IPO8: variants seen among roughly 807,000 people sequenced by gnomAD.
The protein encoded by IPO8 is importin 8.
A neutral mutation model predicts 141.2 loss-of-function variants in IPO8; 65 were observed. That is an observed-to-expected ratio of 0.46 (90% CI 0.38 to 0.57). The LOEUF is 0.57. IPO8 is among the 20% of genes least tolerant of loss of function. The pLI, the probability that IPO8 is intolerant of heterozygous loss-of-function variation, is 0.00. For synonymous variants in IPO8, 411 were observed against 420.3 expected (o/e 0.98, Z 0.27); for missense variants, 980 against 1,246.8 (o/e 0.79, Z 3.22).
At position 30,649,022 on chromosome 12, in the gene IPO8, G is replaced by C. The variant is rs983330833; in HGVS notation, c.2268+115C>G. ...ATTTAAACAGAATTTGCACCAGAAA[G>C]CACAATCTATAGGCTGTCCTTTCCA... is the stretch of plus-strand genomic sequence containing the variant. On this transcript the variant is annotated intron_variant, in intron 20 of 24. Transcript: ENST00000256079. 4.8e-6 allele frequency: 3 copies of C among 622,922 alleles called. No individual in the cohort carries two copies. In the South Asian group the frequency reaches 8.0e-5, roughly 17 times the overall value. The allele number at this position is 622,922 out of a possible 1,614,324, so 38.6% of individuals were successfully genotyped here.
intron 16 of IPO8, 63 bp from the exon 17 acceptor site, chr12:30,656,813 G>T: frequency 1.3e-6 from 1 of 773,024 alleles, no homozygotes. Flanking sequence ...ATTTAATATT[G>T]TGCCAATAAA....
At chr12:30,691,359 A>C (rs1485483205) in intron 1 of IPO8, among the ~76,000 whole-genome samples, 12 of 152,128 alleles carry the variant, frequency 7.9e-5, no homozygotes, top group Non-Finnish European at 1.8e-4. Flanking sequence ...TATCTTTTAC[A>C]CTTAATGCCT....
intron 8 of IPO8, among the ~76,000 whole-genome samples, chr12:30,671,674 CAAA>C (rs71052423): frequency 2.7e-3 from 153 of 56,450 alleles, no homozygotes; most frequent in African/African-American, 0.011. Flanking sequence ...GACTCTGCCT[CAAA>C]AAAAAAAAAA....
chr12:30,673,948 A>G (rs1437648742), intron 8 of IPO8, 42 bp downstream of exon 8: 1 of 1,189,244 alleles, frequency 8.4e-7, no homozygotes, highest in African/African-American at 1.5e-5. Context: ...CTTTACTTTC[A>G]GTAGTAACCA....
At chr12:30,689,964 T>C (rs1565511833) in intron 2 of IPO8, among the ~76,000 whole-genome samples, 1 of 152,072 alleles carries the variant, frequency 6.6e-6, no homozygotes, top group African/African-American at 2.4e-5. Flanking sequence ...GACCAGTCCA[T>C]AAAAAAACAA....
At position 30,641,509 on chromosome 12, in the gene IPO8, TTTC is replaced by T. The variant is rs1315232766; in HGVS notation, c.2269-1777_2269-1775del. On this transcript the variant is annotated intron_variant, in intron 20 of 24. Transcript: ENST00000256079. ...AAGCTATTTCTTTTTTTTTTTTTTT[TTTC>T]TTTTTTGGAGACAGAGTCTTGCTCT... is the stretch of plus-strand genomic sequence containing the variant. 1.1e-4 allele frequency among the ~76,000 whole-genome samples: 16 copies of T among 147,592 alleles called. No homozygotes were observed. In the South Asian group the frequency reaches 3.4e-3, roughly 31 times the overall value.
At chr12:30,657,952 C>T (rs1474842043) in intron 16 of IPO8, among the ~76,000 whole-genome samples, 1 of 151,990 alleles carries the variant, frequency 6.6e-6, no homozygotes, top group Non-Finnish European at 1.5e-5. Context: ...AATTAGATAG[C>T]TGGGGAGTTG....
intron 20 of IPO8, among the ~76,000 whole-genome samples, chr12:30,648,908 G>C (rs775755934): frequency 1.3e-5 from 2 of 151,642 alleles, no homozygotes; most frequent in Admixed American, 1.3e-4. Context: ...TTTTTTGATA[G>C]CCCCTTATAT....
chr12:30,634,926 T>C (rs956208106), intron 22 of IPO8, among the ~76,000 whole-genome samples: 5 of 152,144 alleles, frequency 3.3e-5, no homozygotes, highest in Admixed American at 6.5e-5. Context: ...TCAACCTAAG[T>C]GTCCATCAAC....
intron 21 of IPO8, among the ~76,000 whole-genome samples, chr12:30,637,875 T>TA (rs1220828045): frequency 1.3e-5 from 2 of 152,212 alleles, no homozygotes; most frequent in Admixed American, 6.5e-5. Flanking sequence ...ATTGTGTGAA[T>TA]AAAAAATTCA....
chr12:30,669,393 CTGTG>C, intron 9 of IPO8, 111 bp from the exon 10 acceptor site: 2 of 513,676 alleles, frequency 3.9e-6, no homozygotes, highest in South Asian at 3.5e-5. Context: ...TTTCCAAACT[CTGTG>C]TGTGTGTAAA....
intron 16 of IPO8, among the ~76,000 whole-genome samples, chr12:30,660,660 A>G (rs1454023055): frequency 6.6e-6 from 1 of 152,178 alleles, no homozygotes; most frequent in Non-Finnish European, 1.5e-5. Context: ...TCAGTTGAGT[A>G]AATATGCTTT....
At chr12:30,637,265 A>G in intron 21 of IPO8, 78 bp from the exon 22 acceptor site, 1 of 1,099,196 alleles carries the variant, frequency 9.1e-7, no homozygotes, top group Non-Finnish European at 1.4e-6. Context: ...CTACAAAAAG[A>G]AATGTCCAAG....
At chr12:30,631,049 T>C (rs2052425381) in intron 24 of IPO8, 92 bp from the exon 25 acceptor site, 1 of 840,974 alleles carries the variant, frequency 1.2e-6, no homozygotes, top group Non-Finnish European at 1.9e-6. Flanking sequence ...AGATTCTTTA[T>C]ATGCTTAGAA....
chr12:30,676,761 A>C (rs2053126053), intron 5 of IPO8, 174 bp from the exon 6 acceptor site: 1 of 789,294 alleles, frequency 1.3e-6, no homozygotes, highest in Admixed American at 2.5e-5. Flanking sequence ...TATAGAACTT[A>C]AATTTTTAAA....
rs11051005 is a variant in IPO8 at position 30,630,541 on chromosome 12, A to G, written c.*319T>C. Reference sequence around the variant, plus strand: ...ATAAATCCATTGATTCTGCATGGCAAAAACCTGAGACGTGCAAGTCTATCC... The same window carrying G: ...ATAAATCCATTGATTCTGCATGGCAGAAACCTGAGACGTGCAAGTCTATCC... On this transcript the variant is annotated 3_prime_UTR_variant, in exon 25 of 25. Transcript: ENST00000256079. 0.21 allele frequency: 58,505 copies of G among 279,352 alleles called. 7,212 individuals carry two copies. Among genetic ancestry groups the G allele is most frequent in the East Asian group, 0.33 (4,864 of 14,916 alleles). 17.3% of individuals were successfully genotyped at this position (279,352 alleles called of 1,614,324 possible).
chr12:30,683,117 A>C (rs969652357), intron 3 of IPO8, among the ~76,000 whole-genome samples: 23 of 152,184 alleles, frequency 1.5e-4, no homozygotes, highest in African/African-American at 5.5e-4. Flanking sequence ...ATGAAAGGCC[A>C]TCCTTCATGC....
intron 23 of IPO8, among the ~76,000 whole-genome samples, chr12:30,633,163 C>A (rs1318450162): frequency 6.6e-6 from 1 of 152,124 alleles, no homozygotes; most frequent in Non-Finnish European, 1.5e-5. Flanking sequence ...TCAATAAGAA[C>A]ATCTAGGTAG....
chr12:30,679,752 A>T (rs74473607), intron 5 of IPO8, among the ~76,000 whole-genome samples: 1,551 of 152,320 alleles, frequency 0.01, 36 homozygotes, highest in East Asian at 0.084. Context: ...TTTGAGCTCA[A>T]CAAAACCATC....
Sources: gnomAD v4.1 joint callset for allele counts (sites outside exome capture counted in the v4.1 genomes callset) on GRCh38, gnomAD v4.1.1 for gene constraint, MANE v1.5 for transcripts, NCBI Gene and HGNC (gene_info 2026-07-23, HGNC 2026-07-21) for gene names.